Variants in FHIT observed in about 807,000 individuals in gnomAD.
FHIT encodes the protein bis(5'-adenosyl)-triphosphatase.
A neutral mutation model predicts 17.9 loss-of-function variants in FHIT; 19 were observed. The observed-to-expected ratio is 1.06, with a 90% CI of 0.74 to 1.56. FHIT has a LOEUF of 1.56. Among genes scored for constraint, FHIT ranks in the 40% most tolerant of loss-of-function variants. The pLI, the probability that FHIT is intolerant of heterozygous loss-of-function variation, is 0.00. For synonymous variants in FHIT, 81 were observed against 69.7 expected (o/e 1.16, Z -0.81); for missense variants, 248 against 189.2 (o/e 1.31, Z -1.82).
Position 60,347,350 on chromosome 3 carries a change from G to C in FHIT, c.103+189510C>G, listed in dbSNP as rs540467530. The stretch of plus-strand genomic sequence containing the variant: ...AGTCATTAGAATAAAAGAAGCTGAA[G>C]TTTCAACAGACAGTAAGTTGTCTGC... On this transcript the variant is annotated intron_variant, in intron 5 of 9. Coordinates refer to ENST00000492590, the MANE Select transcript of FHIT (RefSeq NM_002012.4). 2.0e-5 allele frequency among the ~76,000 whole-genome samples: 3 copies of C among 152,148 alleles called. No individual in the cohort carries two copies. The South Asian group carries it at 6.2e-4, about 32-fold the overall frequency.
chr3:60,933,794 T>A (rs879979659), intron 3 of FHIT, among the ~76,000 whole-genome samples: 2 of 152,216 alleles, frequency 1.3e-5, no homozygotes, highest in Non-Finnish European at 2.9e-5. Flanking sequence ...GGTGCCCTCC[T>A]TTCTTCCCCT....
At chr3:61,094,563 G>C (rs2035581656) in intron 2 of FHIT, among the ~76,000 whole-genome samples, 1 of 152,126 alleles carries the variant, frequency 6.6e-6, no homozygotes, top group Non-Finnish European at 1.5e-5. Flanking sequence ...ACAGTACTAT[G>C]TTTCTCCTAC....
intron 4 of FHIT, among the ~76,000 whole-genome samples, chr3:60,607,363 G>T (rs782130521): frequency 2.0e-5 from 3 of 151,822 alleles, no homozygotes; most frequent in Non-Finnish European, 4.4e-5. Flanking sequence ...TTCGAAGAGG[G>T]CACTTTCATG....
At chr3:60,064,288 T>A (rs1056449533) in intron 5 of FHIT, among the ~76,000 whole-genome samples, 2 of 152,196 alleles carry the variant, frequency 1.3e-5, no homozygotes, top group African/African-American at 4.8e-5. Context: ...ATGTTTGGAT[T>A]CTCAGAATTT....
intron 3 of FHIT, among the ~76,000 whole-genome samples, chr3:61,039,180 T>G (rs536486322): frequency 6.6e-6 from 1 of 152,302 alleles, no homozygotes; most frequent in South Asian, 2.1e-4. Flanking sequence ...AGACACTCAA[T>G]GTGGTGCCTG....
chr3:61,060,208 G>A (rs763508666), intron 2 of FHIT, among the ~76,000 whole-genome samples: 11 of 152,106 alleles, frequency 7.2e-5, no homozygotes, highest in Non-Finnish European at 1.2e-4. Context: ...AAAGTGTTTT[G>A]GTCTATTTAG....
intron 3 of FHIT, among the ~76,000 whole-genome samples, chr3:60,919,463 AAAATACTC>A (rs1389775271): frequency 6.6e-6 from 1 of 151,854 alleles, no homozygotes; most frequent in African/African-American, 2.4e-5. Flanking sequence ...GATGACTCAC[AAAATACTC>A]AAATAGGGTA....
intron 8 of FHIT, among the ~76,000 whole-genome samples, chr3:59,901,332 C>T (rs1387171942): frequency 6.6e-6 from 1 of 152,208 alleles, no homozygotes; most frequent in Non-Finnish European, 1.5e-5. Flanking sequence ...ACTTGAATTG[C>T]TTCACCTGCA....
chr3:60,149,124 G>A (rs1274340650), intron 5 of FHIT, among the ~76,000 whole-genome samples: 1 of 152,150 alleles, frequency 6.6e-6, no homozygotes, highest in Non-Finnish European at 1.5e-5. Context: ...AATTGAACGT[G>A]AAAGACATGA....
In FHIT at chr3:60,634,704, AGAG is replaced by A. The variant is rs556408888; in HGVS notation, c.-17-97728_-17-97726del. On this transcript the variant is annotated intron_variant, in intron 4 of 9. Transcript: ENST00000492590. ...AAAAAATCTTTGTGATAAATGAGAAAGAGGAGAAGAAGTTTGGGAGAATACCTC... is the reference window on the plus strand; with the variant it reads ...AAAAAATCTTTGTGATAAATGAGAAAGAGAAGAAGTTTGGGAGAATACCTC... Among the ~76,000 whole-genome samples, 6 of 152,356 alleles carry A rather than the reference AGAG, an allele frequency of 3.9e-5. No homozygotes were observed. In the South Asian group the frequency reaches 1.0e-3, roughly 26 times the overall value.
At chr3:60,904,930 C>T (rs1706322589) in intron 3 of FHIT, among the ~76,000 whole-genome samples, 1 of 100,188 alleles carries the variant, frequency 1.0e-5, no homozygotes, top group South Asian at 4.0e-4. Context: ...CAGAACGAGA[C>T]TTGGTCTAAA....
At chr3:60,421,891 G>C (rs1702483988) in intron 5 of FHIT, among the ~76,000 whole-genome samples, 1 of 152,084 alleles carries the variant, frequency 6.6e-6, no homozygotes, top group Admixed American at 6.6e-5. Flanking sequence ...CGGAAGCAGA[G>C]AGACTTGTTC....
chr3:60,426,235 G>C (rs1322006459), intron 5 of FHIT, among the ~76,000 whole-genome samples: 1 of 152,112 alleles, frequency 6.6e-6, no homozygotes, highest in East Asian at 1.9e-4. Flanking sequence ...GTGAATACTT[G>C]CCAAGTGCTT....
At chr3:60,477,845 C>A (rs2033422832) in intron 5 of FHIT, among the ~76,000 whole-genome samples, 1 of 152,140 alleles carries the variant, frequency 6.6e-6, no homozygotes, top group Non-Finnish European at 1.5e-5. Flanking sequence ...TTTACCCAAA[C>A]TTCTCTAATA....
intron 5 of FHIT, among the ~76,000 whole-genome samples, chr3:60,052,117 C>T (rs926203725): frequency 1.3e-5 from 2 of 152,112 alleles, no homozygotes; most frequent in East Asian, 1.9e-4. Flanking sequence ...GAGTGGCTTT[C>T]CCTTGTATAT....
chr3:60,468,333 T>A (rs1205777739), intron 5 of FHIT, among the ~76,000 whole-genome samples: 1 of 152,148 alleles, frequency 6.6e-6, no homozygotes, highest in Non-Finnish European at 1.5e-5. Flanking sequence ...CCTGCTATTT[T>A]GTTATTTGTT....
At chr3:61,245,268 T>C (rs1335444598) in intron 1 of FHIT, among the ~76,000 whole-genome samples, 1 of 152,170 alleles carries the variant, frequency 6.6e-6, no homozygotes, top group Non-Finnish European at 1.5e-5. Flanking sequence ...AAAACATCCC[T>C]CTGCAATAGA....
At chr3:60,981,827 T>A (rs1208600533) in intron 3 of FHIT, among the ~76,000 whole-genome samples, 1 of 151,936 alleles carries the variant, frequency 6.6e-6, no homozygotes, top group Non-Finnish European at 1.5e-5. Flanking sequence ...GGTCTCAAAC[T>A]CCTGGACTCA....
chr3:59,817,275 T>C (rs1470421462), intron 8 of FHIT, among the ~76,000 whole-genome samples: 1 of 152,136 alleles, frequency 6.6e-6, no homozygotes, highest in East Asian at 1.9e-4. Context: ...GGTTATTTGC[T>C]AAGATCAGAA....
Sources: allele counts gnomAD v4.1 joint callset (sites outside exome capture counted in the v4.1 genomes callset), GRCh38; gene constraint gnomAD v4.1.1; transcripts MANE v1.5; gene names NCBI Gene and HGNC (gene_info 2026-07-23, HGNC 2026-07-21).